The following FGF14 variants were observed in gnomAD, a reference collection of about 807,000 sequenced individuals.
The protein encoded by FGF14 is fibroblast growth factor 14.
A neutral mutation model predicts 25.5 loss-of-function variants in FGF14; 5 were observed. The observed-to-expected ratio is 0.20, with a 90% confidence interval of 0.10 to 0.41. The LOEUF is 0.41. Ranked by LOEUF, FGF14 falls within the 10% of genes least tolerant of loss-of-function variation. FGF14 has a pLI of 1.00. For missense variants in FGF14, 222 were observed against 320.1 expected (o/e 0.69, Z 2.34); for synonymous variants, 138 against 118.3 (o/e 1.17, Z -1.08).
At chr13:102,175,054 T>C (rs1038548065) in intron 1 of FGF14, among the ~76,000 whole-genome samples, 4 of 152,186 alleles carry the variant, frequency 2.6e-5, no homozygotes, top group African/African-American at 7.2e-5. Flanking sequence ...TTCAACACGA[T>C]TTTTATCAAA....
At chr13:101,820,886 CTT>C (rs929205858) in intron 3 of FGF14, among the ~76,000 whole-genome samples, 2 of 62,398 alleles carry the variant, frequency 3.2e-5, no homozygotes, top group Non-Finnish European at 8.7e-5. Flanking sequence ...ACTTGTGCTT[CTT>C]TTTAGTCCAG....
intron 1 of FGF14, among the ~76,000 whole-genome samples, chr13:101,902,505 TG>T (rs1049394662): frequency 3.3e-5 from 5 of 152,300 alleles, no homozygotes; most frequent in Admixed American, 2.6e-4. Flanking sequence ...TTTTTCCTCA[TG>T]AAACAAGATG....
At position 101,849,631 on chromosome 13, in the gene FGF14, T is replaced by G. The variant is rs140501514; in HGVS notation, c.408+19094A>C. Among the ~76,000 whole-genome samples, 160 of 152,170 alleles carry G rather than the reference T, an allele frequency of 1.1e-3. 2 individuals carry two copies. The highest frequency in any genetic ancestry group is 3.7e-3 in the African/African-American group (153 of 41,556). ...TCTAGACAAATATGAGGAAACATGA[T>G]TATTAAACAAGATAAACCTAGATCC... On this transcript the variant is annotated intron_variant, in intron 3 of 4. Transcript: ENST00000376143.
chr13:102,207,624 TAAAAAAAAA>T (rs35568335), intron 1 of FGF14, among the ~76,000 whole-genome samples: 8 of 92,478 alleles, frequency 8.7e-5, no homozygotes, highest in African/African-American at 2.6e-4. Context: ...CAGTTTTCAT[TAAAAAAAAA>T]AAAAAAAAAA....
intron 1 of FGF14, among the ~76,000 whole-genome samples, chr13:102,273,048 T>C (rs1566886772): frequency 1.3e-5 from 2 of 152,314 alleles, no homozygotes; most frequent in East Asian, 3.9e-4. Flanking sequence ...AAATAAAAAC[T>C]AGTTATGTGA....
chr13:101,832,134 T>C (rs955167402), intron 3 of FGF14, among the ~76,000 whole-genome samples: 4 of 152,026 alleles, frequency 2.6e-5, no homozygotes, highest in African/African-American at 9.7e-5. Context: ...GGAGATCCGA[T>C]ATACGCAGAA....
chr13:101,884,780 T>C (rs2045904531), intron 1 of FGF14, among the ~76,000 whole-genome samples: 1 of 151,996 alleles, frequency 6.6e-6, no homozygotes, highest in Non-Finnish European at 1.5e-5. Context: ...ATTTAAACGG[T>C]GGAAATGTAT....
At chr13:102,085,877 CA>C (rs1420179859) in intron 1 of FGF14, among the ~76,000 whole-genome samples, 1 of 152,132 alleles carries the variant, frequency 6.6e-6, no homozygotes, top group Non-Finnish European at 1.5e-5. Context: ...AATCTGAAGA[CA>C]AAGGAATAAG....
At chr13:101,904,886 AGCAACTTTT>A (rs1454388483) in intron 1 of FGF14, among the ~76,000 whole-genome samples, 3 of 152,238 alleles carry the variant, frequency 2.0e-5, no homozygotes, top group Non-Finnish European at 4.4e-5. Context: ...TTGAAACTTT[AGCAACTTTT>A]GCAACTTTTA....
intron 3 of FGF14, among the ~76,000 whole-genome samples, chr13:101,740,255 T>C (rs533955398): frequency 6.6e-6 from 1 of 152,310 alleles, no homozygotes; most frequent in East Asian, 1.9e-4. Context: ...CTCATTCTGC[T>C]ACAAGGGTTT....
At chr13:102,059,436 C>G (rs1055840889) in intron 1 of FGF14, among the ~76,000 whole-genome samples, 51 of 152,298 alleles carry the variant, frequency 3.3e-4, no homozygotes, top group African/African-American at 1.2e-3. Flanking sequence ...TCTCAATAGC[C>G]AGCTTGGAGT....
At chr13:102,161,565 T>TGAAGAGAA (rs2047633021) in intron 1 of FGF14, among the ~76,000 whole-genome samples, 1 of 97,926 alleles carries the variant, frequency 1.0e-5, no homozygotes, top group Non-Finnish European at 2.4e-5. Flanking sequence ...CAACTTTCTG[T>TGAAGAGAA]GAAGAAAGAA....
At chr13:101,959,843 G>A (rs968236854) in intron 1 of FGF14, among the ~76,000 whole-genome samples, 67 of 152,088 alleles carry the variant, frequency 4.4e-4, no homozygotes, top group African/African-American at 1.5e-3. Context: ...TCTCCTTTCT[G>A]TGGTGATTGC....
At chr13:102,040,346 C>T (rs966225146) in intron 1 of FGF14, among the ~76,000 whole-genome samples, 3 of 152,126 alleles carry the variant, frequency 2.0e-5, no homozygotes, top group Non-Finnish European at 4.4e-5. Flanking sequence ...TCTTACATCT[C>T]CAGGTATACA....
At chr13:102,024,740 A>G (rs770664563) in intron 1 of FGF14, among the ~76,000 whole-genome samples, 8 of 151,970 alleles carry the variant, frequency 5.3e-5, no homozygotes, top group Non-Finnish European at 1.2e-4. Flanking sequence ...TTTATAGTTT[A>G]GGTCGATGAT....
intron 3 of FGF14, among the ~76,000 whole-genome samples, chr13:101,827,527 T>A (rs191010731): frequency 6.6e-6 from 1 of 151,880 alleles, no homozygotes; most frequent in Non-Finnish European, 1.5e-5. Flanking sequence ...TTTATACTTA[T>A]TTACTTCAAG....
chr13:101,861,098 C>G (rs1320155892), intron 3 of FGF14, among the ~76,000 whole-genome samples: 3 of 152,112 alleles, frequency 2.0e-5, no homozygotes, highest in Non-Finnish European at 1.5e-5. Flanking sequence ...TAACTTTATG[C>G]TGATGTCACT....
At chr13:101,813,255 G>A (rs551623888) in intron 3 of FGF14, among the ~76,000 whole-genome samples, 17 of 152,170 alleles carry the variant, frequency 1.1e-4, no homozygotes, top group Admixed American at 2.0e-4. Context: ...TGGTCTGAGT[G>A]TGTCCTCCAA....
intron 1 of FGF14, among the ~76,000 whole-genome samples, chr13:101,975,686 G>C (rs572846201): frequency 6.6e-6 from 1 of 152,142 alleles, no homozygotes; most frequent in African/African-American, 2.4e-5. Flanking sequence ...AGTCGTTCCC[G>C]CTGAAACATA....
Sources: allele counts gnomAD v4.1 joint callset (sites outside exome capture counted in the v4.1 genomes callset), GRCh38; gene constraint gnomAD v4.1.1; transcripts MANE v1.5; gene names NCBI Gene and HGNC (gene_info 2026-07-23, HGNC 2026-07-21).